Variants in CNTNAP5 observed in about 807,000 individuals in gnomAD.
The protein encoded by CNTNAP5 is contactin associated protein family member 5.
CNTNAP5 carries 72 observed loss-of-function variants against 150.2 expected under a neutral mutation model. The observed-to-expected ratio is 0.48, with a 90% CI of 0.40 to 0.58. The LOEUF (loss-of-function observed/expected upper bound fraction) is 0.58. Among genes scored for constraint, CNTNAP5 ranks in the 20% least tolerant of loss-of-function variants. CNTNAP5 has a pLI of 0.00. For synonymous variants in CNTNAP5, 672 were observed against 619.8 expected (o/e 1.08, Z -1.25); for missense variants, 1,636 against 1,626.2 (o/e 1.01, Z -0.10).
intron 1 of CNTNAP5, among the ~76,000 whole-genome samples, chr2:124,194,408 TATAAATATAA>T (rs1355876987): frequency 4.4e-3 from 24 of 5,486 alleles, no homozygotes; most frequent in South Asian, 0.031. Flanking sequence ...TATATATATA[TATAAATATAA>T]ATAGGTGTGC....
chr2:124,838,620 T>C (rs925288299), intron 19 of CNTNAP5, among the ~76,000 whole-genome samples: 1 of 152,152 alleles, frequency 6.6e-6, no homozygotes, highest in Non-Finnish European at 1.5e-5. Context: ...GCGAATCAAA[T>C]AGGGTCACAG....
At chr2:124,407,437 A>G (rs1691602644) in intron 3 of CNTNAP5, among the ~76,000 whole-genome samples, 1 of 152,186 alleles carries the variant, frequency 6.6e-6, no homozygotes, top group Non-Finnish European at 1.5e-5. Context: ...ACTGAAAACT[A>G]ACAAATGTAA....
Position 124,754,849 on chromosome 2 carries a change from A to G in CNTNAP5, c.2234+7464A>G, listed in dbSNP as rs553957705. 1.1e-4 allele frequency among the ~76,000 whole-genome samples: 16 copies of G among 152,092 alleles called. No homozygotes were observed. The South Asian group carries it at 3.3e-3, about 32-fold the overall frequency. On this transcript the variant is annotated intron_variant, in intron 14 of 23. Coordinates refer to ENST00000682447, the MANE Select transcript of CNTNAP5 (RefSeq NM_001367498.1). ...ATTACAGGCGTGAACCATTGTGCCC[A>G]GCCTACATTTTTTTTTTTAGGCAGA...
At chr2:124,485,534 A>C (rs1330663118) in intron 7 of CNTNAP5, among the ~76,000 whole-genome samples, 1 of 141,426 alleles carries the variant, frequency 7.1e-6, no homozygotes, top group Non-Finnish European at 1.5e-5. Flanking sequence ...AATAGCATGA[A>C]CCCGGGAGGC....
intron 3 of CNTNAP5, among the ~76,000 whole-genome samples, chr2:124,303,982 G>A (rs531655380): frequency 2.0e-5 from 3 of 152,284 alleles, no homozygotes; most frequent in South Asian, 4.1e-4. Flanking sequence ...AGCAAGCTAT[G>A]TTTGGGACAT....
intron 19 of CNTNAP5, among the ~76,000 whole-genome samples, chr2:124,808,396 T>G (rs1682127024): frequency 6.6e-6 from 1 of 152,038 alleles, no homozygotes; most frequent in African/African-American, 2.4e-5. Flanking sequence ...GAGACCAGCC[T>G]GGCCAACATG....
chr2:124,353,578 G>C (rs1209116797), intron 3 of CNTNAP5, among the ~76,000 whole-genome samples: 1 of 152,108 alleles, frequency 6.6e-6, no homozygotes, highest in Admixed American at 6.6e-5. Context: ...CAGGCAGGCG[G>C]AGTGAGAATT....
intron 3 of CNTNAP5, among the ~76,000 whole-genome samples, chr2:124,408,363 G>A (rs566837005): frequency 7.9e-5 from 12 of 152,138 alleles, no homozygotes; most frequent in Admixed American, 2.0e-4. Context: ...CGGGAAGCTC[G>A]GACTGGGTGG....
At chr2:124,353,287 A>C (rs1198082778) in intron 3 of CNTNAP5, among the ~76,000 whole-genome samples, 8 of 12,602 alleles carry the variant, frequency 6.3e-4, no homozygotes, top group Admixed American at 2.9e-3. Context: ...AAAACAGACC[A>C]AAAAAAAAAA....
intron 11 of CNTNAP5, among the ~76,000 whole-genome samples, chr2:124,583,288 G>T (rs1229025323): frequency 1.3e-5 from 2 of 152,154 alleles, no homozygotes; most frequent in African/African-American, 4.8e-5. Context: ...GAATACTCAG[G>T]GAAGCAACTC....
At chr2:124,883,202 C>T (rs918893371) in intron 21 of CNTNAP5, among the ~76,000 whole-genome samples, 2 of 151,638 alleles carry the variant, frequency 1.3e-5, no homozygotes, top group Admixed American at 6.6e-5. Context: ...GCTGGGAAGA[C>T]AAGGTCATAC....
At chr2:124,854,820 G>A (rs759281063) in intron 19 of CNTNAP5, among the ~76,000 whole-genome samples, 15 of 152,164 alleles carry the variant, frequency 9.9e-5, no homozygotes, top group South Asian at 4.1e-4. Context: ...TGTATTCTAC[G>A]TGACCAGAGT....
chr2:124,213,078 T>C (rs1199641196), intron 1 of CNTNAP5, among the ~76,000 whole-genome samples: 1 of 152,060 alleles, frequency 6.6e-6, no homozygotes, highest in African/African-American at 2.4e-5. Context: ...AACCTCGTGA[T>C]CCGCCTGCCT....
chr2:124,733,173 T>G lies in CNTNAP5; in HGVS notation c.2078-14056T>G, dbSNP rs144470866. Among the ~76,000 whole-genome samples, 825 of 152,092 alleles carry G rather than the reference T, an allele frequency of 5.4e-3. 9 individuals are homozygous for G. The highest frequency in any genetic ancestry group is 0.018 in the African/African-American group (767 of 41,508). ...ACACACACACACACACATAGCACAGTAGGTAATAAATATTCTTCAAACTTT... is the reference window on the plus strand; with the variant it reads ...ACACACACACACACACATAGCACAGGAGGTAATAAATATTCTTCAAACTTT... On this transcript the variant is annotated intron_variant, in intron 13 of 23. Transcript: ENST00000682447.
intron 1 of CNTNAP5, among the ~76,000 whole-genome samples, chr2:124,116,005 CTCAG>C (rs1318769827): frequency 6.6e-6 from 1 of 152,126 alleles, no homozygotes; most frequent in African/African-American, 2.4e-5. Flanking sequence ...TCAGTCAACG[CTCAG>C]TCAATGTTAA....
intron 3 of CNTNAP5, among the ~76,000 whole-genome samples, chr2:124,355,296 G>T (rs1689968348): frequency 6.6e-6 from 1 of 151,986 alleles, no homozygotes; most frequent in Admixed American, 6.6e-5. Flanking sequence ...TTTCTTTAAG[G>T]AACAGAAATA....
chr2:124,101,816 A>G (rs1483192227), intron 1 of CNTNAP5, among the ~76,000 whole-genome samples: 1 of 152,212 alleles, frequency 6.6e-6, no homozygotes, highest in African/African-American at 2.4e-5. Context: ...GGGGTACCTA[A>G]ATGGCCATTC....
chr2:124,748,071 G>C (rs1680647830), intron 14 of CNTNAP5, among the ~76,000 whole-genome samples: 1 of 151,938 alleles, frequency 6.6e-6, no homozygotes, highest in African/African-American at 2.4e-5. Flanking sequence ...GAGAGATAGG[G>C]ATGTGGGGTT....
intron 12 of CNTNAP5, 51 bp from the exon 13 acceptor site, chr2:124,647,707 T>G (rs912296912): frequency 6.6e-7 from 1 of 1,510,642 alleles, no homozygotes; most frequent in African/African-American, 1.4e-5. Flanking sequence ...CATGCTCCAT[T>G]TTTGACATTG....
Sources: gnomAD v4.1 joint callset for allele counts (sites outside exome capture counted in the v4.1 genomes callset) on GRCh38, gnomAD v4.1.1 for gene constraint, MANE v1.5 for transcripts, NCBI Gene and HGNC (gene_info 2026-07-23, HGNC 2026-07-21) for gene names.